The following RGR variants were observed in gnomAD, a reference collection of about 807,000 sequenced individuals.
RGR encodes retinal G protein coupled receptor, also known as RPE-retinal G protein-coupled receptor.
A neutral mutation model predicts 28.6 loss-of-function variants in RGR; 30 were observed. The observed-to-expected ratio is 1.05, with a 90% CI of 0.78 to 1.42. The LOEUF (loss-of-function observed/expected upper bound fraction) is 1.42, where lower values mean the gene tolerates loss of function less well. Among genes scored for constraint, RGR ranks in the 40% most tolerant of loss-of-function variants. The pLI is 0.00. For missense variants in RGR, 404 were observed against 375.6 expected (o/e 1.08, Z -0.62); for synonymous variants, 180 against 156.4 (o/e 1.15, Z -1.13).
chr10:84,257,609 C>T (rs745157), intron 5 of RGR, among the ~76,000 whole-genome samples: 29,156 of 152,170 alleles, frequency 0.19, 2,884 homozygotes, highest in Admixed American at 0.23. Context: ...AGGAAGCGCT[C>T]ATTATCCACC....
chr10:84,247,995 C>A, intron 2 of RGR: 1 of 649,528 alleles, frequency 1.5e-6, no homozygotes, highest in Non-Finnish European at 2.6e-6. Flanking sequence ...GGTGTGGGTT[C>A]TGTAACCAAG....
rs150863046 is a variant in RGR at position 84,245,133 on chromosome 10, G to A, written c.43G>A (p.Glu15Lys). ...CCTGCCCACTGGCTTCGGGGAGCTC[G>A]AGGTGCTGGCTGTGGGGATGGTGCT... ...SALPTGFGEL[E>K]VLAVGMVLLV... The change falls in exon 1 of 7, where the codon GAG (glutamate) becomes AAG (lysine). Residue 15 changes from glutamate to lysine, a missense_variant. By Grantham distance (56) the Glu-to-Lys change is moderately conservative (BLOSUM62 1). Transcript: ENST00000652092. The A allele has an allele frequency of 7.4e-6, 12 of 1,613,284 alleles. No individual in the cohort carries two copies. The highest frequency in any genetic ancestry group is 6.7e-5 in the African/African-American group (5 of 74,888).
chr10:84,254,090 G>T (rs1454472263), intron 4 of RGR, among the ~76,000 whole-genome samples: 1 of 152,150 alleles, frequency 6.6e-6, no homozygotes, highest in African/African-American at 2.4e-5. Context: ...TTCATGCTTG[G>T]GGGACAAACA....
intron 1 of RGR, 144 bp downstream of exon 1, chr10:84,245,313 C>T (rs1173256697): frequency 2.8e-5 from 20 of 723,832 alleles, no homozygotes; most frequent in Admixed American, 7.6e-5. Flanking sequence ...CCTCTGTGCC[C>T]GGACTCGGGG....
At chr10:84,251,240 T>C (rs1387236165) in intron 3 of RGR, among the ~76,000 whole-genome samples, 1 of 151,938 alleles carries the variant, frequency 6.6e-6, no homozygotes, top group Non-Finnish European at 1.5e-5. Context: ...GTCTCAAAAA[T>C]TTTTTTAAAA....
intron 1 of RGR, among the ~76,000 whole-genome samples, chr10:84,245,425 A>T (rs73317978): frequency 0.01 from 1,552 of 152,298 alleles, 33 homozygotes; most frequent in African/African-American, 0.036. Context: ...GAAAGGGGAC[A>T]TCTGCCCAGG....
At chr10:84,257,836 A>G (rs1842906224) in intron 5 of RGR, 57 bp from the exon 6 acceptor site, 10 of 1,506,850 alleles carry the variant, frequency 6.6e-6, no homozygotes, top group East Asian at 4.5e-5. Flanking sequence ...TCTTGGCCAC[A>G]TAGGGCTGTG....
At chr10:84,248,727 A>G in intron 2 of RGR, 195 bp from the exon 3 acceptor site, 1 of 872,288 alleles carries the variant, frequency 1.1e-6, no homozygotes, top group Non-Finnish European at 1.8e-6. Context: ...CCCAGCCTGG[A>G]GAGTGTGCAT....
In RGR at chr10:84,250,517, T is replaced by TACAC. The variant is rs34459757; in HGVS notation, c.358+1509_358+1512dup. On this transcript the variant is annotated intron_variant, in intron 3 of 6. Coordinates refer to ENST00000652092, the MANE Select transcript of RGR (RefSeq NM_001012720.2). The stretch of plus-strand genomic sequence containing the variant: ...CCTAATGCTCCCTTGGACCATCTTA[T>TACAC]ACACACACACACACACACACACACA... The TACAC allele has an allele frequency of 5.0e-3, 3,035 of 607,000 alleles. 7 individuals are homozygous for TACAC. Among genetic ancestry groups the TACAC allele is most frequent in the African/African-American group, 0.016 (844 of 52,610 alleles). 37.6% of individuals were successfully genotyped at this position (607,000 alleles called of 1,614,324 possible).
intron 5 of RGR, among the ~76,000 whole-genome samples, chr10:84,257,038 C>G (rs1842897308): frequency 6.6e-6 from 1 of 152,108 alleles, no homozygotes; most frequent in Non-Finnish European, 1.5e-5. Context: ...GTCTCTTGGT[C>G]AACATATTTT....
In RGR at chr10:84,246,704, T is replaced by G. The variant is rs539499358; in HGVS notation, c.80-887T>G. Among the ~76,000 whole-genome samples, 5 of 152,346 alleles carry G rather than the reference T, an allele frequency of 3.3e-5. No homozygotes were observed. In the South Asian group the frequency reaches 8.3e-4, roughly 25 times the overall value. Reference sequence around the variant, plus strand: ...CGGTAAGCATAGATGTGCATGTGTGTTTTTGGCTGGATTAAATGGCAGATC... The same window carrying G: ...CGGTAAGCATAGATGTGCATGTGTGGTTTTGGCTGGATTAAATGGCAGATC... On this transcript the variant is annotated intron_variant, in intron 1 of 6. Coordinates refer to ENST00000652092, the MANE Select transcript of RGR (RefSeq NM_001012720.2).
Position 84,258,408 on chromosome 10 carries a change from T to C in RGR, c.745-100T>C, listed in dbSNP as rs79250260. On this transcript the variant is annotated intron_variant, in intron 6 of 6. Coordinates refer to ENST00000652092, the MANE Select transcript of RGR (RefSeq NM_001012720.2). ...CCTCCAAGGCTGCAGAACTAAATGA[T>C]TGGCAGTTGTAGGTGGAGGGTGACC... is the stretch of plus-strand genomic sequence containing the variant. The C allele has an allele frequency of 7.8e-4, 1,243 of 1,586,926 alleles. 10 individuals are homozygous for C. In the African/African-American group the frequency reaches 0.015, roughly 19 times the overall value.
intron 5 of RGR, among the ~76,000 whole-genome samples, chr10:84,256,743 C>T (rs1246676132): frequency 2.0e-5 from 3 of 152,160 alleles, no homozygotes. Flanking sequence ...GTGCAAAGTT[C>T]ACATTTACTG....
Position 84,257,303 on chromosome 10 carries a change from T to C in RGR, c.631-590T>C, listed in dbSNP as rs575851607. Reference sequence around the variant, plus strand: ...CCTCCCCCGCTGATTGTATTTCACATTGGGAGCCCAGACAGGGTGGTCTCG... The same window carrying C: ...CCTCCCCCGCTGATTGTATTTCACACTGGGAGCCCAGACAGGGTGGTCTCG... On this transcript the variant is annotated intron_variant, in intron 5 of 6. Coordinates refer to ENST00000652092, the MANE Select transcript of RGR (RefSeq NM_001012720.2). Among the ~76,000 whole-genome samples, 40 of 152,292 alleles carry C rather than the reference T, an allele frequency of 2.6e-4. 1 individual carries two copies. In the South Asian group the frequency reaches 4.8e-3, roughly 18 times the overall value.
chr10:84,254,817 G>A, intron 5 of RGR, among the ~76,000 whole-genome samples: 1 of 152,160 alleles, frequency 6.6e-6, no homozygotes, highest in East Asian at 1.9e-4. Flanking sequence ...TGCATGATAT[G>A]CAGTCCATAT....
chr10:84,256,059 C>CTTTTTTTTTTTTTT (rs61441525), intron 5 of RGR, among the ~76,000 whole-genome samples: 7 of 54,358 alleles, frequency 1.3e-4, no homozygotes, highest in African/African-American at 2.6e-4. Context: ...TTTTTCCTTT[C>CTTTTTTTTTTTTTT]TTTTTTTTTT....
chr10:84,251,578 T>C (rs1235286053), intron 3 of RGR, among the ~76,000 whole-genome samples: 1 of 152,194 alleles, frequency 6.6e-6, no homozygotes. Flanking sequence ...AGAGTCTCAC[T>C]CTATTGCCCA....
At chr10:84,257,690 G>A (rs1842904620) in intron 5 of RGR, among the ~76,000 whole-genome samples, 1 of 152,210 alleles carries the variant, frequency 6.6e-6, no homozygotes, top group Non-Finnish European at 1.5e-5. Context: ...GGTCAGGCAA[G>A]TTTAAATAAA....
At chr10:84,250,543 CA>C in intron 3 of RGR, 1 of 692,578 alleles carries the variant, frequency 1.4e-6, no homozygotes. Context: ...CACACACACA[CA>C]CACACACACA....
Sources: gnomAD v4.1 joint callset for allele counts (sites outside exome capture counted in the v4.1 genomes callset) on GRCh38, gnomAD v4.1.1 for gene constraint, MANE v1.5 for transcripts, NCBI Gene and HGNC (gene_info 2026-07-23, HGNC 2026-07-21) for gene names.